Variants in AP4E1 observed in about 807,000 individuals in gnomAD.
AP4E1 encodes adaptor related protein complex 4 subunit epsilon 1, also known as AP-4 complex subunit epsilon-1.
Under a neutral mutation model 128.2 loss-of-function variants are expected in AP4E1, and 56 were observed. The ratio of observed to expected loss-of-function variants is 0.44; its 90% CI spans 0.35 to 0.55. The LOEUF is 0.55. Ranked by LOEUF, AP4E1 falls within the 20% of genes least tolerant of loss-of-function variation. The pLI, the probability that AP4E1 is intolerant of heterozygous loss-of-function variation, is 0.00. For synonymous variants in AP4E1, 484 were observed against 473.1 expected, an observed-to-expected ratio of 1.02 and a Z score of -0.30; for missense variants, 1,324 against 1,307.7, an observed-to-expected ratio of 1.01 and a Z score of -0.19.
At chr15:50,983,794 G>T (rs931351134) in intron 15 of AP4E1, among the ~76,000 whole-genome samples, 4 of 152,056 alleles carry the variant, frequency 2.6e-5, no homozygotes, top group Non-Finnish European at 4.4e-5. Context: ...AAAAATAAAG[G>T]ATAGTTGGTC....
At position 50,908,927 on chromosome 15, in the gene AP4E1, A is replaced by G; in HGVS notation, c.149A>G (p.His50Arg). The G allele has an allele frequency of 1.2e-6, 2 of 1,610,764 alleles. No individual in the cohort carries two copies. Among genetic ancestry groups the G allele is most frequent in the Non-Finnish European group, 1.7e-6 (2 of 1,179,442 alleles). The change falls in exon 1 of 21, where the codon CAC becomes CGC. Residue 50 changes from histidine to arginine, a missense_variant and splice_region_variant. Physicochemically the swap from His to Arg is conservative, Grantham distance 29. Transcript: ENST00000261842. ...VRGITALTSK[H>R]EEEKLIQQEL... ...GGCATCACAGCCCTCACCTCCAAGC[A>G]CGTAGGTGCCCGCCGGCCCGGGAGC...
chr15:50,984,614 G>A lies in AP4E1; in HGVS notation c.2090+469G>A, dbSNP rs62018167. 5.0e-3 allele frequency among the ~76,000 whole-genome samples: 764 copies of A among 151,358 alleles called. 11 individuals are homozygous for A. The highest frequency in any genetic ancestry group is 0.017 in the African/African-American group (715 of 41,202). ...AGAATGATGGTTTCCAGCTTCATCC[G>A]TGTCCCTACAAAGGACATGAACTCA... On this transcript the variant is annotated intron_variant, in intron 16 of 20. Transcript: ENST00000261842.
At chr15:50,932,744 G>A (rs2063851051) in intron 7 of AP4E1, among the ~76,000 whole-genome samples, 1 of 152,134 alleles carries the variant, frequency 6.6e-6, no homozygotes, top group East Asian at 1.9e-4. Context: ...CACTAATTGG[G>A]CTACATCACT....
Position 50,997,653 on chromosome 15 carries a change from A to T in AP4E1, c.2674A>T (p.Thr892Ser), listed in dbSNP as rs1303471303. 2 of 1,614,020 alleles carry T rather than the reference A, an allele frequency of 1.2e-6. No homozygotes were observed. Among genetic ancestry groups the T allele is most frequent in the Non-Finnish European group, 1.7e-6 (2 of 1,179,988 alleles). ...GGAAATTTTTCACCCTCCTCAATCT[A>T]CTGCAGCCTCAGTTGCCAAGGAAAG... The part of the protein sequence containing the change: ...NMEIFHPPQS[T>S]AASVAKESSL... The change falls in exon 18 of 21, where the codon ACT becomes TCT. Residue 892 changes from threonine (T) to serine (S), a missense_variant. Thr to Ser is a moderately conservative substitution (Grantham distance 58, BLOSUM62 1). Coordinates refer to ENST00000261842, the MANE Select transcript of AP4E1 (RefSeq NM_007347.5).
At chr15:50,958,419 T>C in intron 13 of AP4E1, 73 bp from the exon 14 acceptor site, 1 of 1,281,058 alleles carries the variant, frequency 7.8e-7, no homozygotes. Context: ...AGTAGGTACT[T>C]TGTTTAGATT....
rs2064924003 is a variant in AP4E1, at chr15:50,999,226, A to T, written c.3059A>T (p.Glu1020Val). 14 of 1,612,348 alleles carry T rather than the reference A, an allele frequency of 8.7e-6. No homozygotes were observed. Among genetic ancestry groups the T allele is most frequent in the Non-Finnish European group, 1.1e-5 (13 of 1,179,078 alleles). The change falls in exon 19 of 21, where the codon GAA becomes GTA. Residue 1020 changes from glutamate to valine, a missense_variant. By Grantham distance (121) the Glu-to-Val change is moderately radical (BLOSUM62 -2). Transcript: ENST00000261842. The stretch of plus-strand genomic sequence containing the variant: ...ATGGATACTCATTCTGCTCAGCTGG[A>T]ATTTTCTGTAAACTTATCACTATTA... ...HMMDTHSAQLEFSVNLSLLDF... is the reference protein window; with the variant it reads ...HMMDTHSAQLVFSVNLSLLDF...
At chr15:50,959,183 C>G (rs543000648) in intron 14 of AP4E1, among the ~76,000 whole-genome samples, 242 of 151,428 alleles carry the variant, frequency 1.6e-3, no homozygotes, top group South Asian at 5.0e-3. Context: ...TGCACTCCAG[C>G]CTGGGCAACA....
At chr15:50,992,343 C>T (rs2064817190) in intron 16 of AP4E1, among the ~76,000 whole-genome samples, 1 of 152,118 alleles carries the variant, frequency 6.6e-6, no homozygotes, top group South Asian at 2.1e-4. Flanking sequence ...CACAAGGAGT[C>T]AGTGCCCCAA....
intron 16 of AP4E1, among the ~76,000 whole-genome samples, chr15:50,992,226 T>A (rs1313141948): frequency 6.6e-6 from 1 of 152,142 alleles, no homozygotes; most frequent in African/African-American, 2.4e-5. Flanking sequence ...GATACTAGTC[T>A]ATGTATTAAT....
At chr15:50,929,317 T>A in intron 6 of AP4E1, 149 bp downstream of exon 6, 1 of 936,944 alleles carries the variant, frequency 1.1e-6, no homozygotes, top group Non-Finnish European at 1.6e-6. Context: ...TTGCAAGTTG[T>A]TGAGAGCATG....
chr15:50,928,983 GT>G (rs1397512928), intron 5 of AP4E1, 25 bp from the exon 6 acceptor site: 2 of 1,611,806 alleles, frequency 1.2e-6, no homozygotes, highest in Non-Finnish European at 1.7e-6. Flanking sequence ...AGATTGTCTT[GT>G]TTAAATTTCA....
intron 5 of AP4E1, among the ~76,000 whole-genome samples, chr15:50,926,722 C>G (rs1326588549): frequency 6.6e-6 from 1 of 151,940 alleles, no homozygotes; most frequent in African/African-American, 2.4e-5. Flanking sequence ...CCTCAGCCTC[C>G]TGAGTAGTTG....
intron 19 of AP4E1, among the ~76,000 whole-genome samples, chr15:50,999,977 C>T (rs1479092505): frequency 6.6e-6 from 1 of 151,408 alleles, no homozygotes; most frequent in African/African-American, 2.4e-5. Context: ...AATATCTTAC[C>T]TGCTCTAATT....
chr15:50,915,344 C>T, intron 2 of AP4E1, 104 bp from the exon 3 acceptor site: 2 of 1,198,342 alleles, frequency 1.7e-6, no homozygotes, highest in South Asian at 2.7e-5. Flanking sequence ...GTTATTTCTT[C>T]AGCACCAGGA....
intron 6 of AP4E1, among the ~76,000 whole-genome samples, chr15:50,929,941 T>C (rs975188506): frequency 6.6e-6 from 1 of 151,798 alleles, no homozygotes; most frequent in African/African-American, 2.4e-5. Context: ...TTTTAAGGAG[T>C]GTGGATATAA....
In AP4E1 at chr15:50,999,128, C is replaced by T. The variant is rs2064922106; in HGVS notation, c.2961C>T (p.Ser987=). 12 of 1,613,994 alleles carry T rather than the reference C, an allele frequency of 7.4e-6. No homozygotes were observed. Among genetic ancestry groups the T allele is most frequent in the South Asian group, 1.1e-5 (1 of 91,078 alleles). ...TAATGGAAGCAGAAAGCACCAAAAG[C>T]TTTCAATATAGTGTGCAGATAGAAA... ...LPVMEAESTK[S]FQYSVQIEKP... The change falls in exon 19 of 21, where the codon AGC becomes AGT. Residue 987 remains serine (S), a synonymous_variant. Coordinates refer to ENST00000261842, the MANE Select transcript of AP4E1 (RefSeq NM_007347.5).
At chr15:50,930,758 A>G (rs772852782) in intron 6 of AP4E1, 47 bp from the exon 7 acceptor site, 12 of 1,574,528 alleles carry the variant, frequency 7.6e-6, no homozygotes, top group Middle Eastern at 1.7e-4. Flanking sequence ...GTCTATTTCT[A>G]TTTAATAAGA....
intron 15 of AP4E1, among the ~76,000 whole-genome samples, chr15:50,974,790 A>G (rs1195525143): frequency 6.6e-6 from 1 of 151,636 alleles, no homozygotes; most frequent in Admixed American, 6.6e-5. Context: ...GCATTTTTTC[A>G]TATACCTGTT....
intron 14 of AP4E1, among the ~76,000 whole-genome samples, chr15:50,963,851 A>G (rs1218578193): frequency 5.9e-5 from 9 of 152,248 alleles, no homozygotes; most frequent in Non-Finnish European, 2.9e-5. Context: ...AAATCAACAA[A>G]TAAGAGAAAT....
Sources: allele counts gnomAD v4.1 joint callset (sites outside exome capture counted in the v4.1 genomes callset), GRCh38; gene constraint gnomAD v4.1.1; transcripts MANE v1.5; gene names NCBI Gene and HGNC (gene_info 2026-07-23, HGNC 2026-07-21).